The following TFAP2A variants were observed in gnomAD, a reference collection of about 807,000 sequenced individuals.
TFAP2A encodes transcription factor AP-2-alpha.
A neutral mutation model predicts 41.5 loss-of-function variants in TFAP2A; 7 were observed. That is an observed-to-expected ratio of 0.17 (90% CI 0.10 to 0.32). The LOEUF is 0.32. Ranked by LOEUF, TFAP2A falls within the 10% of genes least tolerant of loss-of-function variation. The pLI, the probability that TFAP2A is intolerant of heterozygous loss-of-function variation, is 1.00. For missense variants in TFAP2A, 416 were observed against 563.3 expected (o/e 0.74, Z 2.65); for synonymous variants, 247 against 242.8 (o/e 1.02, Z -0.16).
intron 3 of TFAP2A, chr6:10,405,032 G>A (rs1301376185): frequency 2.0e-6 from 1 of 497,918 alleles, no homozygotes; most frequent in Non-Finnish European, 3.6e-6. Flanking sequence ...CTAGAGATGG[G>A]TGGTGAAATT....
At chr6:10,403,812 T>C (rs938808432) in intron 4 of TFAP2A, among the ~76,000 whole-genome samples, 16 of 152,162 alleles carry the variant, frequency 1.1e-4, no homozygotes, top group African/African-American at 3.9e-4. Context: ...GCTATGTATG[T>C]AACAGATGCA....
At chr6:10,419,486 G>C, upstream of TFAP2A, 1 of 1,614,098 alleles carries the variant, frequency 6.2e-7, no homozygotes, top group Non-Finnish European at 8.5e-7. Context: ...GTCCCCGCCG[G>C]GCATGGGCTG....
upstream of TFAP2A, chr6:10,415,435 G>C: frequency 2.8e-6 from 1 of 358,556 alleles, no homozygotes; most frequent in South Asian, 3.7e-5. Flanking sequence ...TCCAGCCTGC[G>C]AACTGATAAA....
At chr6:10,418,927 C>T (rs1227833522), upstream of TFAP2A, among the ~76,000 whole-genome samples, 3 of 152,166 alleles carry the variant, frequency 2.0e-5, no homozygotes, top group African/African-American at 7.2e-5. Flanking sequence ...CTCCCGAAAT[C>T]TGGGGGTACC....
intron 2 of TFAP2A, chr6:10,409,267 T>C (rs1244016704): frequency 6.6e-6 from 1 of 152,466 alleles, no homozygotes; most frequent in Non-Finnish European, 1.5e-5. Flanking sequence ...GTGTAGCAGG[T>C]TCTGATAGGC....
intron 2 of TFAP2A, chr6:10,409,640 T>G: frequency 2.0e-6 from 1 of 504,156 alleles, no homozygotes; most frequent in South Asian, 2.4e-5. Flanking sequence ...GTGACATTCG[T>G]CTGATTTATC....
At chr6:10,411,569 C>A (rs774165626) in intron 1 of TFAP2A, 1 of 1,614,108 alleles carries the variant, frequency 6.2e-7, no homozygotes, top group East Asian at 2.2e-5. Context: ...ATGGGACTCA[C>A]CATGGCTGAA....
At chr6:10,418,069 G>T (rs181733573), upstream of TFAP2A, 1 of 152,274 alleles carries the variant, frequency 6.6e-6, no homozygotes, top group African/African-American at 2.4e-5. Flanking sequence ...AGCCCACAGG[G>T]TCAGGAAGGG....
chr6:10,399,560 G>A (rs3756946), intron 6 of TFAP2A, among the ~76,000 whole-genome samples: 11,221 of 152,232 alleles, frequency 0.074, 771 homozygotes, highest in East Asian at 0.26. Flanking sequence ...GGCAGCAGCA[G>A]CCTGGCCTGG....
rs1761788244 is a variant in TFAP2A, at chr6:10,397,009, GGGT to G, written c.*1405_*1407del. 6.6e-6 allele frequency: 1 copy of G among 152,486 alleles called. No individual in the cohort carries two copies. Among genetic ancestry groups the G allele is most frequent in the Admixed American group, 6.5e-5 (1 of 15,278 alleles). The allele number at this position is 152,486 out of a possible 1,614,324, so 9.4% of individuals were successfully genotyped here. On this transcript the variant is annotated 3_prime_UTR_variant, in exon 7 of 7. Coordinates refer to ENST00000379613, the MANE Select transcript of TFAP2A (RefSeq NM_001372066.1). ...TACTGCCAAGAACAAAAATACGCCT[GGGT>G]AAAGACAGCCACTGAATAAAAAAAA...
intron 3 of TFAP2A, chr6:10,406,082 G>C (rs910751513): frequency 6.6e-6 from 1 of 152,120 alleles, no homozygotes; most frequent in African/African-American, 2.4e-5. Flanking sequence ...CTAGAATCCT[G>C]AAATGTAACA....
intron 6 of TFAP2A, among the ~76,000 whole-genome samples, chr6:10,399,428 T>C (rs923174470): frequency 2.6e-5 from 4 of 152,222 alleles, no homozygotes; most frequent in Non-Finnish European, 5.9e-5. Context: ...ATTGTGGAGA[T>C]GGGTGTGCTT....
At position 10,409,956 on chromosome 6, in the gene TFAP2A, G is replaced by T; in HGVS notation, c.431C>A (p.Ser144Ter). ...GTGGATCGAGAGGTCTCCGAGTCCTGAGCTGAGCGCGTGTGGGCCGTGCAG... is the reference window on the plus strand; with the variant it reads ...GTGGATCGAGAGGTCTCCGAGTCCTTAGCTGAGCGCGTGTGGGCCGTGCAG... The part of the protein sequence containing the change: ...DLLHGPHALS[S>*]GLGDLSIHSL... The change falls in exon 2 of 7, where the codon TCA becomes TAA. Residue 144 changes from serine (S) to a stop codon, truncating the protein, a stop_gained. Transcript: ENST00000379613. LOFTEE classifies it high-confidence loss of function. 1 of 1,571,370 alleles carries T rather than the reference G, an allele frequency of 6.4e-7. No homozygotes were observed. Among genetic ancestry groups the T allele is most frequent in the East Asian group, 2.4e-5 (1 of 42,032 alleles).
intron 1 of TFAP2A, 49 bp from the exon 2 acceptor site, chr6:10,410,384 G>A (rs1757909171): frequency 2.6e-6 from 4 of 1,537,718 alleles, no homozygotes; most frequent in South Asian, 2.3e-5. Context: ...CAGGCGTCGA[G>A]CTACAACTAT....
upstream of TFAP2A, chr6:10,415,152 G>C: frequency 6.9e-7 from 1 of 1,459,464 alleles, no homozygotes; most frequent in Non-Finnish European, 9.1e-7. Context: ...GGAGGGCAAG[G>C]AGGAGGAGGA....
intron 1 of TFAP2A, chr6:10,411,878 C>T: frequency 2.3e-6 from 3 of 1,326,708 alleles, no homozygotes; most frequent in Non-Finnish European, 2.9e-6. Flanking sequence ...AAATGAAAAA[C>T]CCCAAAAAAG....
chr6:10,398,239 C>T lies in TFAP2A; in HGVS notation c.*178G>A. ...TCGGAGAGGCTGCCCCACTGACAGTCGAGAGGGCAGTCCCGGAGACTCGGG... is the reference window on the plus strand; with the variant it reads ...TCGGAGAGGCTGCCCCACTGACAGTTGAGAGGGCAGTCCCGGAGACTCGGG... On this transcript the variant is annotated 3_prime_UTR_variant, in exon 7 of 7. Transcript: ENST00000379613. The surrounding 1 kb of genome is among the most constrained non-coding windows in gnomAD (Gnocchi z 5.3). 2.0e-6 allele frequency: 3 copies of T among 1,500,162 alleles called. No homozygotes were observed. Among genetic ancestry groups the T allele is most frequent in the Non-Finnish European group, 2.7e-6 (3 of 1,129,486 alleles). The allele number at this position is 1,500,162 out of a possible 1,614,324, so 92.9% of individuals were successfully genotyped here.
intron 1 of TFAP2A, 148 bp from the exon 2 acceptor site, chr6:10,410,483 T>C (rs550078468): frequency 1.3e-6 from 1 of 748,420 alleles, no homozygotes; most frequent in Non-Finnish European, 2.3e-6. Context: ...TAAGTTCTTT[T>C]CAGGAAATAC....
Position 10,409,932 on chromosome 6 carries a change from T to C in TFAP2A, c.455A>G (p.His152Arg). Residue 152 changes from histidine to arginine, a missense_variant, in exon 2 of 7, where the codon CAC (histidine) becomes CGC (arginine). His to Arg is a conservative substitution (Grantham distance 29). This residue lies in a region of TFAP2A where 241 missense variants were observed against 274.1 expected (regional missense o/e 0.88). Coordinates refer to ENST00000379613, the MANE Select transcript of TFAP2A (RefSeq NM_001372066.1). ...CTCCTCGATGGCGTGAGGTAAGGAG[T>C]GGATCGAGAGGTCTCCGAGTCCTGA... ...LSSGLGDLSI[H>R]SLPHAIEEVP... 6.4e-7 allele frequency: 1 copy of C among 1,554,194 alleles called. No individual in the cohort carries two copies. The highest frequency in any genetic ancestry group is 8.7e-7 in the Non-Finnish European group (1 of 1,148,450).
Sources: allele counts gnomAD v4.1 joint callset (sites outside exome capture counted in the v4.1 genomes callset), GRCh38; gene constraint gnomAD v4.1.1; regional missense constraint gnomAD v4.1.1; non-coding constraint Gnocchi (gnomAD v3.1); transcripts MANE v1.5; gene names NCBI Gene and HGNC (gene_info 2026-07-23, HGNC 2026-07-21).